TRHDE: variants seen among roughly 807,000 people sequenced by gnomAD.
TRHDE encodes thyrotropin-releasing hormone-degrading ectoenzyme.
A neutral mutation model predicts 125.7 loss-of-function variants in TRHDE; 72 were observed. The ratio of observed to expected loss-of-function variants is 0.57; its 90% CI spans 0.47 to 0.70. The LOEUF is 0.70. Among genes scored for constraint, TRHDE ranks in the 30% least tolerant of loss-of-function variants. The pLI is 0.00. For synonymous variants in TRHDE, 509 were observed against 509.1 expected, an observed-to-expected ratio of 1.00 and a Z score of 0.00; for missense variants, 1,110 against 1,327.1, an observed-to-expected ratio of 0.84 and a Z score of 2.54.
intron 7 of TRHDE, among the ~76,000 whole-genome samples, chr12:72,543,580 G>T (rs1159513620): frequency 6.6e-6 from 1 of 151,122 alleles, no homozygotes; most frequent in Non-Finnish European, 1.5e-5. Flanking sequence ...CCATTCCTTT[G>T]TTTTTCCCCA....
intron 3 of TRHDE, among the ~76,000 whole-genome samples, chr12:72,435,422 G>A (rs904827555): frequency 5.9e-5 from 9 of 152,026 alleles, no homozygotes; most frequent in Non-Finnish European, 1.0e-4. Flanking sequence ...GGAGTTAGAC[G>A]ATATCTAAAC....
chr12:72,370,839 T>C (rs780182959), intron 2 of TRHDE, among the ~76,000 whole-genome samples: 6 of 152,018 alleles, frequency 3.9e-5, no homozygotes, highest in Non-Finnish European at 7.4e-5. Context: ...GCCTGCACCG[T>C]TCAAGCAATT....
intron 2 of TRHDE, among the ~76,000 whole-genome samples, chr12:72,117,275 A>G (rs1441064761): frequency 6.6e-6 from 1 of 152,114 alleles, no homozygotes; most frequent in Non-Finnish European, 1.5e-5. Context: ...ATAAAGGTCT[A>G]GTTTCATTCT....
chr12:72,592,397 T>A, intron 12 of TRHDE, among the ~76,000 whole-genome samples: 1 of 152,152 alleles, frequency 6.6e-6, no homozygotes, highest in South Asian at 2.1e-4. Context: ...AGGACAGTTA[T>A]AAAGCCATTT....
intron 5 of TRHDE, among the ~76,000 whole-genome samples, chr12:72,487,738 A>C (rs1877478892): frequency 6.6e-6 from 1 of 152,132 alleles, no homozygotes; most frequent in African/African-American, 2.4e-5. Context: ...TCAGATCCAG[A>C]ATACTTCAAC....
intron 3 of TRHDE, among the ~76,000 whole-genome samples, chr12:72,443,162 A>G (rs781755882): frequency 6.9e-6 from 1 of 145,732 alleles, no homozygotes; most frequent in Non-Finnish European, 1.5e-5. Flanking sequence ...TCCATAGCTT[A>G]TTTTCCACAC....
intron 5 of TRHDE, among the ~76,000 whole-genome samples, chr12:72,495,073 T>G (rs1877853326): frequency 7.1e-6 from 1 of 140,850 alleles, no homozygotes; most frequent in South Asian, 2.3e-4. Flanking sequence ...TTTTTTTTTT[T>G]TTTTTTTTTT....
chr12:72,208,232 C>G (rs750818530), intron 2 of TRHDE, among the ~76,000 whole-genome samples: 1 of 152,000 alleles, frequency 6.6e-6, no homozygotes, highest in Non-Finnish European at 1.5e-5. Context: ...ATCCCTCATA[C>G]CCTTTACACA....
rs559567329 is a variant in TRHDE at position 72,423,133 on chromosome 12, T to G, written c.1315+45012T>G. On this transcript the variant is annotated intron_variant, in intron 3 of 18. Transcript: ENST00000261180. ...ATGTTAAAACTATACTTATTTATAC[T>G]TTCGTGATCACAATGTACATGATCC... Among the ~76,000 whole-genome samples the G allele has an allele frequency of 5.3e-5, 8 of 152,318 alleles. No homozygotes were observed. In the South Asian group the frequency reaches 1.7e-3, roughly 32 times the overall value.
intron 1 of TRHDE, among the ~76,000 whole-genome samples, chr12:72,285,889 GT>G (rs1879869033): frequency 6.6e-6 from 1 of 152,086 alleles, no homozygotes; most frequent in South Asian, 2.1e-4. Context: ...AATATAGAAG[GT>G]GCTTTCAGTT....
At chr12:72,129,938 A>G (rs951161208) in intron 2 of TRHDE, among the ~76,000 whole-genome samples, 1 of 152,240 alleles carries the variant, frequency 6.6e-6, no homozygotes, top group African/African-American at 2.4e-5. Context: ...AAAATATTTT[A>G]AAAATTTCTA....
intron 2 of TRHDE, among the ~76,000 whole-genome samples, chr12:72,166,986 T>C (rs1199156503): frequency 6.9e-6 from 1 of 144,424 alleles, no homozygotes; most frequent in African/African-American, 2.6e-5. Flanking sequence ...TGGCTAAGGG[T>C]TGGAAAGATT....
intron 15 of TRHDE, among the ~76,000 whole-genome samples, chr12:72,627,211 T>C (rs531973317): frequency 6.6e-6 from 1 of 152,048 alleles, no homozygotes; most frequent in South Asian, 2.1e-4. Context: ...AGTAAGGAGA[T>C]TGCCCCCAAA....
chr12:72,562,154 T>C lies in TRHDE; in HGVS notation c.1789-11T>C. Reference sequence around the variant, plus strand: ...CCTTTGAATTACAATTACAATTTTATATTCTTGTAGGATTATTTAACCATT... The same window carrying C: ...CCTTTGAATTACAATTACAATTTTACATTCTTGTAGGATTATTTAACCATT... On this transcript the variant is annotated splice_polypyrimidine_tract_variant and intron_variant, in intron 7 of 18. Transcript: ENST00000261180. 1 of 1,363,878 alleles carries C rather than the reference T, an allele frequency of 7.3e-7. No individual in the cohort carries two copies. The allele number at this position is 1,363,878 out of a possible 1,614,324, so 84.5% of individuals were successfully genotyped here.
At chr12:72,396,153 CAACTA>C (rs1405494159) in intron 3 of TRHDE, among the ~76,000 whole-genome samples, 2 of 152,112 alleles carry the variant, frequency 1.3e-5, no homozygotes, top group African/African-American at 2.4e-5. Context: ...CCCACTCTTC[CAACTA>C]AATTATCTTT....
intron 2 of TRHDE, among the ~76,000 whole-genome samples, chr12:72,133,552 A>C (rs1364266005): frequency 6.6e-6 from 1 of 152,174 alleles, no homozygotes; most frequent in Non-Finnish European, 1.5e-5. Context: ...TCAGTATACT[A>C]TGTATTTTTC....
intron 15 of TRHDE, 144 bp downstream of exon 15, chr12:72,621,895 C>T: frequency 1.6e-6 from 1 of 612,552 alleles, no homozygotes; most frequent in Non-Finnish European, 2.8e-6. Context: ...AGGTTCACAG[C>T]TTCCAAGGCA....
intron 2 of TRHDE, among the ~76,000 whole-genome samples, chr12:72,267,224 T>C (rs1565676938): frequency 6.6e-6 from 1 of 152,128 alleles, no homozygotes; most frequent in Admixed American, 6.6e-5. Context: ...AACATTTCCA[T>C]GATCTATACT....
chr12:72,290,790 T>C (rs915257191), intron 2 of TRHDE, among the ~76,000 whole-genome samples: 12 of 152,208 alleles, frequency 7.9e-5, no homozygotes. Context: ...CCTTCTTACG[T>C]GGTAGTTCAG....
Sources: gnomAD v4.1 joint callset for allele counts (sites outside exome capture counted in the v4.1 genomes callset) on GRCh38, gnomAD v4.1.1 for gene constraint, MANE v1.5 for transcripts, NCBI Gene and HGNC (gene_info 2026-07-23, HGNC 2026-07-21) for gene names.